CACNA1C: variants seen among roughly 807,000 people sequenced by gnomAD.
CACNA1C encodes the protein calcium voltage-gated channel subunit alpha1 C, also known as voltage-dependent L-type calcium channel subunit alpha-1C.
CACNA1C carries 30 observed loss-of-function variants against 229.0 expected under a neutral mutation model. The ratio of observed to expected loss-of-function variants is 0.13; its 90% CI spans 0.10 to 0.18. The LOEUF (loss-of-function observed/expected upper bound fraction) is 0.18. Ranked by LOEUF, CACNA1C falls within the 10% of genes least tolerant of loss-of-function variation. CACNA1C has a pLI of 1.00. For synonymous variants in CACNA1C, 1,114 were observed against 1,132.5 expected, an observed-to-expected ratio of 0.98 and a Z score of 0.33; for missense variants, 1,658 against 2,845.0, an observed-to-expected ratio of 0.58 and a Z score of 9.49.
chr12:2,058,732 A>C (rs147254249), intron 1 of CACNA1C, among the ~76,000 whole-genome samples: 1 of 152,206 alleles, frequency 6.6e-6, no homozygotes. Flanking sequence ...TCCCTCGGGG[A>C]AAATGGAATG....
intron 5 of CACNA1C, among the ~76,000 whole-genome samples, chr12:2,475,365 G>C (rs2099621041): frequency 6.6e-6 from 1 of 152,128 alleles, no homozygotes; most frequent in Non-Finnish European, 1.5e-5. Context: ...TATACACAAG[G>C]AGACAAAGTA....
chr12:2,407,603 CTCATCAT>C (rs1567506312), intron 3 of CACNA1C, among the ~76,000 whole-genome samples: 1 of 52,586 alleles, frequency 1.9e-5, no homozygotes. Flanking sequence ...ACTGGGGAGC[CTCATCAT>C]GACCCAGTGG....
At chr12:2,433,934 G>A (rs10774043) in intron 3 of CACNA1C, among the ~76,000 whole-genome samples, 56,155 of 152,056 alleles carry the variant, frequency 0.37, 11,216 homozygotes, top group East Asian at 0.51. Context: ...CCTTATCATA[G>A]CAAGCAATAA....
Position 2,493,083 on chromosome 12 carries a change from C to A in CACNA1C, c.917-107C>A. The stretch of plus-strand genomic sequence containing the variant: ...CGCTGTTGTTGCCATGGTTGCTTTG[C>A]CCATCCCATCAACCTCATCCTGTCA... On this transcript the variant is annotated intron_variant, in intron 6 of 46. Coordinates refer to ENST00000399655, the MANE Select transcript of CACNA1C (RefSeq NM_000719.7). The surrounding 1 kb of genome is among the most constrained non-coding windows in gnomAD (Gnocchi z 4.6). 1 of 877,912 alleles carries A rather than the reference C, an allele frequency of 1.1e-6. No homozygotes were observed. The highest frequency in any genetic ancestry group is 1.8e-6 in the Non-Finnish European group (1 of 550,088). 54.4% of individuals were successfully genotyped at this position (877,912 alleles called of 1,614,324 possible). A position where few individuals can be genotyped will look rare whatever the true frequency, so the allele number is the denominator to read the frequency against.
At chr12:2,637,510 C>T (rs528523152) in intron 30 of CACNA1C, among the ~76,000 whole-genome samples, 7 of 152,372 alleles carry the variant, frequency 4.6e-5, no homozygotes, top group South Asian at 2.1e-4. Context: ...ACACTTACCA[C>T]GGCCCATAAC....
intron 3 of CACNA1C, among the ~76,000 whole-genome samples, chr12:2,444,074 TGG>T (rs898200195): frequency 6.6e-6 from 1 of 152,218 alleles, no homozygotes; most frequent in Non-Finnish European, 1.5e-5. Context: ...ACTGGCTCTC[TGG>T]GCCCTTCCAG....
intron 3 of CACNA1C, among the ~76,000 whole-genome samples, chr12:2,426,724 G>A (rs2099035834): frequency 6.6e-6 from 1 of 152,226 alleles, no homozygotes; most frequent in Non-Finnish European, 1.5e-5. Flanking sequence ...GTGTTCAAGT[G>A]TCTGCTGTCA....
chr12:2,555,901 GT>G (rs1022597966), intron 10 of CACNA1C, among the ~76,000 whole-genome samples: 1 of 151,700 alleles, frequency 6.6e-6, no homozygotes, highest in African/African-American at 2.4e-5. Context: ...GCCTGCGGCG[GT>G]TGCCTCCCAG....
intron 3 of CACNA1C, among the ~76,000 whole-genome samples, chr12:2,391,473 A>G (rs1480504450): frequency 6.6e-6 from 1 of 152,234 alleles, no homozygotes; most frequent in Non-Finnish European, 1.5e-5. Context: ...AGCAGCAGTC[A>G]GCAGGGTGGG....
At chr12:2,590,993 G>A (rs1381920538) in intron 18 of CACNA1C, among the ~76,000 whole-genome samples, 1 of 151,952 alleles carries the variant, frequency 6.6e-6, no homozygotes, top group East Asian at 1.9e-4. Context: ...ACATACCAAG[G>A]GTTGGGTGTC....
chr12:2,218,241 G>A (rs951353298), intron 3 of CACNA1C, among the ~76,000 whole-genome samples: 2 of 152,198 alleles, frequency 1.3e-5, no homozygotes, highest in African/African-American at 4.8e-5. Context: ...TCCAGTAAAT[G>A]TTTATTGACA....
At chr12:2,400,437 C>G (rs887195545) in intron 3 of CACNA1C, among the ~76,000 whole-genome samples, 1 of 152,140 alleles carries the variant, frequency 6.6e-6, no homozygotes. Context: ...TCAAAGCATG[C>G]GATCAGAGTC....
chr12:2,310,728 G>T lies in CACNA1C; in HGVS notation c.478-138248G>T, dbSNP rs186418909. On this transcript the variant is annotated intron_variant, in intron 3 of 46. Coordinates refer to ENST00000399655, the MANE Select transcript of CACNA1C (RefSeq NM_000719.7). ...CTCACAGGGTTCTTTCATTCTGTGG[G>T]CACCAGTTCTCTGGGCATGAGAGAT... 1.9e-3 allele frequency among the ~76,000 whole-genome samples: 287 copies of T among 152,290 alleles called. 1 individual carries two copies. The highest frequency in any genetic ancestry group is 6.8e-3 in the Middle Eastern group (2 of 294).
At chr12:2,477,198 G>A (rs901306442) in intron 5 of CACNA1C, among the ~76,000 whole-genome samples, 3 of 152,164 alleles carry the variant, frequency 2.0e-5, no homozygotes, top group Admixed American at 1.3e-4. Flanking sequence ...AGAAGTAAGC[G>A]TGGGCTAGTA....
At chr12:1,995,299 A>G (rs2040530258) in intron 1 of CACNA1C, among the ~76,000 whole-genome samples, 1 of 152,232 alleles carries the variant, frequency 6.6e-6, no homozygotes, top group Non-Finnish European at 1.5e-5. Context: ...CCAAAGAATC[A>G]TAATGCGTGT....
At chr12:2,672,296 A>C (rs2096602416) in intron 38 of CACNA1C, 1 of 152,248 alleles carries the variant, frequency 6.6e-6, no homozygotes, top group South Asian at 2.1e-4. Flanking sequence ...GACATGAAAC[A>C]ATTGTCGGTG....
intron 42 of CACNA1C, among the ~76,000 whole-genome samples, 189 bp from the exon 43 acceptor site, chr12:2,682,361 T>C (rs1354362476): frequency 6.6e-6 from 1 of 152,156 alleles, no homozygotes; most frequent in African/African-American, 2.4e-5. Flanking sequence ...ATCTGAACAC[T>C]TCTATGGATC....
chr12:2,101,186 T>C lies in CACNA1C; in HGVS notation c.50-14038T>C, dbSNP rs6489349. The stretch of plus-strand genomic sequence containing the variant: ...GGATGTGCATTGATTTCTCTAACCA[T>C]TTCTCCAGTGACGGGCTTCTAGGTT... On this transcript the variant is annotated intron_variant, in intron 1 of 46. Transcript: ENST00000399655. Among the ~76,000 whole-genome samples, 5 of 152,008 alleles carry C rather than the reference T, an allele frequency of 3.3e-5. 1 individual carries two copies. The highest frequency in any genetic ancestry group is 6.5e-5 in the Admixed American group (1 of 15,286).
chr12:2,329,783 G>A (rs1321264161), intron 3 of CACNA1C, among the ~76,000 whole-genome samples: 1 of 152,168 alleles, frequency 6.6e-6, no homozygotes, highest in Non-Finnish European at 1.5e-5. Flanking sequence ...ACAAGTGGCA[G>A]CTGGGCGGCT....
Sources: gnomAD v4.1 joint callset for allele counts (sites outside exome capture counted in the v4.1 genomes callset) on GRCh38, gnomAD v4.1.1 for gene constraint, Gnocchi (gnomAD v3.1) non-coding constraint, MANE v1.5 for transcripts, NCBI Gene and HGNC (gene_info 2026-07-23, HGNC 2026-07-21) for gene names.